Variants in AGO4 observed in about 807,000 individuals in gnomAD.
AGO4 encodes protein argonaute-4.
A neutral mutation model predicts 104.7 loss-of-function variants in AGO4; 33 were observed. The observed-to-expected ratio is 0.32, with a 90% CI of 0.24 to 0.42. The LOEUF (loss-of-function observed/expected upper bound fraction) is 0.42. AGO4 is among the 10% of genes least tolerant of loss of function. The probability of loss-of-function intolerance (pLI) is 1.00; values close to 1 mark genes in which losing one functional copy is unlikely to be tolerated. For synonymous variants in AGO4, 331 were observed against 364.7 expected (o/e 0.91, Z 1.05); for missense variants, 711 against 1,083.4 (o/e 0.66, Z 4.83).
chr1:35,850,791 A>C (rs1384934561), intron 16 of AGO4, 63 bp from the exon 17 acceptor site: 8 of 1,008,398 alleles, frequency 7.9e-6, no homozygotes, highest in African/African-American at 2.3e-5. Flanking sequence ...AAAAAAAAAA[A>C]AAAAAAAACA....
At chr1:35,810,335 C>T (rs1203316934) in intron 1 of AGO4, among the ~76,000 whole-genome samples, 2 of 152,110 alleles carry the variant, frequency 1.3e-5, no homozygotes, top group Non-Finnish European at 2.9e-5. Flanking sequence ...TGTTTTAGAA[C>T]CTAGAGAATC....
At chr1:35,819,214 G>A (rs1181587046) in intron 2 of AGO4, among the ~76,000 whole-genome samples, 1 of 152,116 alleles carries the variant, frequency 6.6e-6, no homozygotes, top group Non-Finnish European at 1.5e-5. Flanking sequence ...TTTATCAGAT[G>A]GGGAAAACTG....
Position 35,823,321 on chromosome 1 carries a change from C to G in AGO4, c.306+339C>G, listed in dbSNP as rs1013157755. Among the ~76,000 whole-genome samples, 30 of 150,670 alleles carry G rather than the reference C, an allele frequency of 2.0e-4. 1 individual carries two copies. The highest frequency in any genetic ancestry group is 1.7e-3 in the Admixed American group (26 of 15,104). On this transcript the variant is annotated intron_variant, in intron 3 of 17. Transcript: ENST00000373210. ...AGGCTGGAATGCAGTGGTTTGGTCT[C>G]CACTCACTGAAACCTCTGCCTCCCA...
Position 35,832,082 on chromosome 1 carries a change from GA to G in AGO4, c.1143del (p.Pro382LeufsTer16). The G allele has an allele frequency of 6.2e-7, 1 of 1,613,986 alleles. No homozygotes were observed. Among genetic ancestry groups the G allele is most frequent in the Non-Finnish European group, 8.5e-7 (1 of 1,179,984 alleles). ...GTGAAGAGCAACAGTATGGTGGGTG[GA>G]CCTGATCCATACCTTAAAGAATTTG... The part of the protein sequence containing the change: ...RLVKSNSMVG[G>X]PDPYLKEFGI... On this transcript the variant is annotated frameshift_variant, in exon 10 of 18. Coordinates refer to ENST00000373210, the MANE Select transcript of AGO4 (RefSeq NM_017629.4). LOFTEE classifies it high-confidence loss of function.
At chr1:35,851,111 T>A in intron 17 of AGO4, 58 bp downstream of exon 17, 2 of 1,493,780 alleles carry the variant, frequency 1.3e-6, no homozygotes, top group Non-Finnish European at 1.8e-6. Context: ...TTAAAAAAAA[T>A]GAGCTACAAT....
At position 35,854,533 on chromosome 1, in the gene AGO4, T is replaced by C. The variant is rs1175797225; in HGVS notation, c.*928T>C. 6.5e-6 allele frequency: 1 copy of C among 152,684 alleles called. No individual in the cohort carries two copies. Among genetic ancestry groups the C allele is most frequent in the Non-Finnish European group, 1.5e-5 (1 of 68,038 alleles). The allele number at this position is 152,684 out of a possible 1,614,324, so 9.5% of individuals were successfully genotyped here. On this transcript the variant is annotated 3_prime_UTR_variant, in exon 18 of 18. Coordinates refer to ENST00000373210, the MANE Select transcript of AGO4 (RefSeq NM_017629.4). ...GTCTCTCCTCTTCCTTCCCCAACAA[T>C]GTAGTTTTCTAGATGAGATTTCAGT... is the stretch of plus-strand genomic sequence containing the variant.
At chr1:35,835,703 CAT>C (rs1322694500) in intron 12 of AGO4, 129 bp from the exon 13 acceptor site, 2 of 678,826 alleles carry the variant, frequency 2.9e-6, no homozygotes, top group African/African-American at 3.7e-5. Context: ...AAGGAAGACA[CAT>C]GAGAAGCATC....
At chr1:35,842,763 C>T (rs1338049826) in intron 15 of AGO4, among the ~76,000 whole-genome samples, 2 of 152,096 alleles carry the variant, frequency 1.3e-5, no homozygotes, top group Non-Finnish European at 2.9e-5. Flanking sequence ...GATCATACCA[C>T]TGCACTCCAG....
intron 15 of AGO4, among the ~76,000 whole-genome samples, chr1:35,847,732 AG>A (rs35643501): frequency 1.3e-5 from 2 of 152,218 alleles, no homozygotes; most frequent in Non-Finnish European, 2.9e-5. Flanking sequence ...AGGTTGCTTT[AG>A]TACCGAATAC....
At chr1:35,850,518 G>A (rs1222168116) in intron 16 of AGO4, among the ~76,000 whole-genome samples, 1 of 151,822 alleles carries the variant, frequency 6.6e-6, no homozygotes, top group Non-Finnish European at 1.5e-5. Context: ...GGTGGCTCAC[G>A]CTTGTAATCC....
chr1:35,853,747 CT>C lies in AGO4; in HGVS notation c.*145del. On this transcript the variant is annotated 3_prime_UTR_variant, in exon 18 of 18. Transcript: ENST00000373210. ...TCGGAATAGTTGCACTGAATCTATA[CT>C]TTGCAGCACTGTCTGATGCGTCAAC... is the stretch of plus-strand genomic sequence containing the variant. 1.6e-6 allele frequency: 1 copy of C among 616,650 alleles called. No homozygotes were observed. Among genetic ancestry groups the C allele is most frequent in the South Asian group, 2.2e-5 (1 of 46,226 alleles). The allele number at this position is 616,650 out of a possible 1,614,324, so 38.2% of individuals were successfully genotyped here.
chr1:35,853,747 C>A lies in AGO4; in HGVS notation c.*142C>A. ...TCGGAATAGTTGCACTGAATCTATA[C>A]TTTGCAGCACTGTCTGATGCGTCAA... On this transcript the variant is annotated 3_prime_UTR_variant, in exon 18 of 18. Transcript: ENST00000373210. 1 of 616,650 alleles carries A rather than the reference C, an allele frequency of 1.6e-6. No individual in the cohort carries two copies. The highest frequency in any genetic ancestry group is 2.9e-6 in the Non-Finnish European group (1 of 350,118). 38.2% of individuals were successfully genotyped at this position (616,650 alleles called of 1,614,324 possible).
chr1:35,838,835 TA>T (rs1286125998), intron 13 of AGO4, among the ~76,000 whole-genome samples: 1 of 152,182 alleles, frequency 6.6e-6, no homozygotes, highest in Admixed American at 6.5e-5. Context: ...TTTGAAGAGT[TA>T]AATTTGGGGC....
chr1:35,831,953 A>T lies in AGO4; in HGVS notation c.1116+22A>T, dbSNP rs745323370. ...ACTGGTCAGTAAGGCATGGTCTTCA[A>T]GATGAGCTAGCTTTGAGATGACAAA... On this transcript the variant is annotated intron_variant, in intron 9 of 17. Coordinates refer to ENST00000373210, the MANE Select transcript of AGO4 (RefSeq NM_017629.4). 9.3e-6 allele frequency: 15 copies of T among 1,612,238 alleles called. No homozygotes were observed. In the East Asian group the frequency reaches 3.3e-4, roughly 36 times the overall value.
chr1:35,811,013 G>A (rs1643483264), intron 1 of AGO4, among the ~76,000 whole-genome samples: 1 of 151,636 alleles, frequency 6.6e-6, no homozygotes, highest in African/African-American at 2.4e-5. Context: ...AAATTAGCTG[G>A]GTGTGGTGGC....
rs1644430148 is a variant in AGO4 at position 35,841,074 on chromosome 1, A to G, written c.1725-91A>G. 7.4e-7 allele frequency: 1 copy of G among 1,351,098 alleles called. No individual in the cohort carries two copies. The highest frequency in any genetic ancestry group is 1.0e-6 in the Non-Finnish European group (1 of 971,344). The allele number at this position is 1,351,098 out of a possible 1,614,324, so 83.7% of individuals were successfully genotyped here. Reference sequence around the variant, plus strand: ...AGTCTTTGTTCTCTCTTATAAGGTTATATCTGATTATATCTGGTGATATAA... The same window carrying G: ...AGTCTTTGTTCTCTCTTATAAGGTTGTATCTGATTATATCTGGTGATATAA... On this transcript the variant is annotated intron_variant, in intron 13 of 17. Coordinates refer to ENST00000373210, the MANE Select transcript of AGO4 (RefSeq NM_017629.4). The surrounding 1 kb of genome is among the most constrained non-coding windows in gnomAD (Gnocchi z 4.7).
chr1:35,836,416 T>C (rs1644314320), intron 13 of AGO4, among the ~76,000 whole-genome samples: 1 of 152,108 alleles, frequency 6.6e-6, no homozygotes, highest in Non-Finnish European at 1.5e-5. Context: ...AACGACACAA[T>C]TTTAATTTAT....
intron 1 of AGO4, among the ~76,000 whole-genome samples, chr1:35,814,606 G>T (rs1264246424): frequency 6.6e-6 from 1 of 152,016 alleles, no homozygotes; most frequent in Non-Finnish European, 1.5e-5. Flanking sequence ...TTAACAAGTG[G>T]TTTCTTATAC....
intron 2 of AGO4, among the ~76,000 whole-genome samples, chr1:35,821,877 A>G (rs1041689928): frequency 6.6e-6 from 1 of 151,756 alleles, no homozygotes; most frequent in African/African-American, 2.4e-5. Context: ...CTCAAAACCA[A>G]TATACTTGAA....
Sources: gnomAD v4.1 joint callset for allele counts (sites outside exome capture counted in the v4.1 genomes callset) on GRCh38, gnomAD v4.1.1 for gene constraint, Gnocchi (gnomAD v3.1) non-coding constraint, MANE v1.5 for transcripts, NCBI Gene and HGNC (gene_info 2026-07-23, HGNC 2026-07-21) for gene names.